Variants in UST observed in about 807,000 individuals in gnomAD.
UST encodes the protein uronyl 2-sulfotransferase.
Under a neutral mutation model 45.6 loss-of-function variants are expected in UST, and 21 were observed. The observed-to-expected ratio is 0.46, with a 90% CI of 0.33 to 0.66. UST has a LOEUF of 0.66. Ranked by LOEUF, UST falls within the 30% of genes least tolerant of loss-of-function variation. The pLI, the probability that UST is intolerant of heterozygous loss-of-function variation, is 0.02. For synonymous variants in UST, 215 were observed against 200.6 expected, an observed-to-expected ratio of 1.07 and a Z score of -0.61; for missense variants, 463 against 512.4, an observed-to-expected ratio of 0.90 and a Z score of 0.93.
At chr6:148,778,330 G>A (rs1776573911) in intron 1 of UST, among the ~76,000 whole-genome samples, 1 of 152,164 alleles carries the variant, frequency 6.6e-6, no homozygotes, top group African/African-American at 2.4e-5. Flanking sequence ...TCAGAAGCAA[G>A]ATGTGGAGAT....
intron 4 of UST, among the ~76,000 whole-genome samples, chr6:148,956,514 A>G (rs911155516): frequency 9.9e-5 from 15 of 152,216 alleles, no homozygotes; most frequent in African/African-American, 3.1e-4. Context: ...GGTCCCTCCC[A>G]CAATACATGG....
At chr6:148,788,386 A>G (rs539520256) in intron 1 of UST, among the ~76,000 whole-genome samples, 36 of 152,262 alleles carry the variant, frequency 2.4e-4, no homozygotes, top group African/African-American at 7.7e-4. Context: ...AAGTTATTTT[A>G]TTAATTAGCC....
intron 7 of UST, among the ~76,000 whole-genome samples, chr6:149,035,348 A>G (rs1030881983): frequency 6.6e-6 from 1 of 151,948 alleles, no homozygotes; most frequent in Non-Finnish European, 1.5e-5. Context: ...CTTTATCTCT[A>G]TTTGCTCCAG....
intron 1 of UST, among the ~76,000 whole-genome samples, chr6:148,882,937 G>A (rs962898135): frequency 6.6e-6 from 1 of 152,228 alleles, no homozygotes; most frequent in African/African-American, 2.4e-5. Context: ...GATTGAATAT[G>A]TAGATGCGAG....
At chr6:148,822,675 A>G (rs1407864252) in intron 1 of UST, among the ~76,000 whole-genome samples, 3 of 152,184 alleles carry the variant, frequency 2.0e-5, no homozygotes, top group Non-Finnish European at 4.4e-5. Context: ...GTAATTTGCC[A>G]TTTCTTCAAT....
intron 2 of UST, among the ~76,000 whole-genome samples, chr6:148,892,270 G>A (rs1205193090): frequency 6.6e-6 from 1 of 152,078 alleles, no homozygotes; most frequent in Non-Finnish European, 1.5e-5. Context: ...TGATGTTTCT[G>A]TTGTTTGTGA....
chr6:148,779,306 A>G (rs2114686229), intron 1 of UST, among the ~76,000 whole-genome samples: 1 of 152,344 alleles, frequency 6.6e-6, no homozygotes, highest in Admixed American at 6.5e-5. Flanking sequence ...GTAACATTAA[A>G]TTTCATCACA....
intron 5 of UST, among the ~76,000 whole-genome samples, chr6:149,013,226 C>G (rs937673888): frequency 2.0e-5 from 3 of 152,180 alleles, no homozygotes; most frequent in African/African-American, 7.2e-5. Context: ...ACAGCCTTTT[C>G]TAGATCTTGA....
At position 149,074,740 on chromosome 6, in the gene UST, AT is replaced by A. The variant is rs767746967; in HGVS notation, c.*636del. ...ACAGAGTGAGACTCTGTCTCAATTA[AT>A]TTTTTTTTTTTAAAGGAGGAGGATC... is the stretch of plus-strand genomic sequence containing the variant. On this transcript the variant is annotated 3_prime_UTR_variant, in exon 8 of 8. Transcript: ENST00000367463. The A allele has an allele frequency of 6.5e-3, 966 of 147,496 alleles. 9 individuals carry two copies. The highest frequency in any genetic ancestry group is 9.1e-3 in the Non-Finnish European group (605 of 66,448). 9.1% of individuals were successfully genotyped at this position (147,496 alleles called of 1,614,324 possible).
chr6:148,823,584 C>G (rs1032112445), intron 1 of UST, among the ~76,000 whole-genome samples: 2 of 152,168 alleles, frequency 1.3e-5, no homozygotes, highest in African/African-American at 4.8e-5. Flanking sequence ...TCCTTTTCAT[C>G]ATTAAGTTGA....
intron 1 of UST, among the ~76,000 whole-genome samples, chr6:148,805,764 G>C (rs893062859): frequency 6.6e-5 from 10 of 152,118 alleles, no homozygotes; most frequent in African/African-American, 2.4e-4. Flanking sequence ...AATTTCCTCT[G>C]CTGTGTCTTG....
intron 5 of UST, among the ~76,000 whole-genome samples, chr6:149,001,254 A>G (rs1477762701): frequency 2.0e-5 from 3 of 151,928 alleles, no homozygotes; most frequent in African/African-American, 7.3e-5. Flanking sequence ...TTGTATTTTT[A>G]GTAGAGTCAG....
At chr6:149,038,287 A>G (rs1460353925) in intron 7 of UST, among the ~76,000 whole-genome samples, 1 of 150,506 alleles carries the variant, frequency 6.6e-6, no homozygotes, top group East Asian at 1.9e-4. Context: ...ATGAGACCTT[A>G]TTTGGAAGTA....
chr6:148,965,489 A>G (rs1171453370), intron 5 of UST, among the ~76,000 whole-genome samples: 1 of 152,224 alleles, frequency 6.6e-6, no homozygotes, highest in Non-Finnish European at 1.5e-5. Context: ...AAGATCGCCC[A>G]GAGCTGAGGC....
At chr6:149,029,384 T>C (rs1418829301) in intron 7 of UST, among the ~76,000 whole-genome samples, 3 of 146,616 alleles carry the variant, frequency 2.0e-5, no homozygotes, top group Non-Finnish European at 4.5e-5. Context: ...AATGTATATA[T>C]TGTATGTTAT....
chr6:148,905,315 TCCTCTGC>T (rs946978058), intron 2 of UST, among the ~76,000 whole-genome samples: 27 of 152,314 alleles, frequency 1.8e-4, no homozygotes, highest in Non-Finnish European at 3.5e-4. Context: ...TGTGCAGGGC[TCCTCTGC>T]CCCTGAAGCC....
intron 2 of UST, among the ~76,000 whole-genome samples, chr6:148,912,850 T>TGAA (rs1306050744): frequency 3.3e-5 from 5 of 152,212 alleles, no homozygotes; most frequent in Non-Finnish European, 5.9e-5. Flanking sequence ...CTGTCCCCTG[T>TGAA]GAAGTACTGT....
At chr6:148,802,621 C>G (rs1777074802) in intron 1 of UST, among the ~76,000 whole-genome samples, 1 of 152,182 alleles carries the variant, frequency 6.6e-6, no homozygotes, top group Admixed American at 6.5e-5. Context: ...TATATACACT[C>G]TCTTGGCTCT....
chr6:148,805,993 A>C (rs1480876555), intron 1 of UST, among the ~76,000 whole-genome samples: 2 of 152,198 alleles, frequency 1.3e-5, no homozygotes, highest in Non-Finnish European at 2.9e-5. Flanking sequence ...TCAAGGGGAA[A>C]AAAAGATGTG....
Sources: gnomAD v4.1 joint callset for allele counts (sites outside exome capture counted in the v4.1 genomes callset) on GRCh38, gnomAD v4.1.1 for gene constraint, MANE v1.5 for transcripts, NCBI Gene and HGNC (gene_info 2026-07-23, HGNC 2026-07-21) for gene names.